OR4D10: variants seen among roughly 807,000 people sequenced by gnomAD.
OR4D10 encodes olfactory receptor family 4 subfamily D member 10.
For synonymous variants in OR4D10, 188 were observed against 153.2 expected (o/e 1.23, Z -1.68); for missense variants, 395 against 378.0 (o/e 1.04, Z -0.37).
chr11:59,474,139 T>A (rs935549185), intron 2 of OR4D10, among the ~76,000 whole-genome samples: 3 of 152,226 alleles, frequency 2.0e-5, no homozygotes, highest in Admixed American at 6.5e-5. Flanking sequence ...ATATTCCATA[T>A]GAAAGACAAG....
In OR4D10 at chr11:59,477,414, TAA is replaced by T. The variant is rs1406989330; in HGVS notation, c.-14_-13del. On this transcript the variant is annotated 5_prime_UTR_variant, in exon 3 of 3. An upstream open reading frame in the 5' UTR gains an earlier in-frame stop. Coordinates refer to ENST00000530162, the MANE Select transcript of OR4D10 (RefSeq NM_001004705.2). ...TGACATGGTTTAAAACCAAAGAGAA[TAA>T]AGAGGATGATTGAATGGAGATGGAA... 6.6e-7 allele frequency: 1 copy of T among 1,524,210 alleles called. No individual in the cohort carries two copies. The highest frequency in any genetic ancestry group is 8.8e-7 in the Non-Finnish European group (1 of 1,133,388). The allele number at this position is 1,524,210 out of a possible 1,614,324, so 94.4% of individuals were successfully genotyped here. A position where few individuals can be genotyped will look rare whatever the true frequency, so the allele number is the denominator to read the frequency against.
rs968584536 is a variant in OR4D10 at position 59,476,970 on chromosome 11, T to TA, written c.-168-282dup. Among the ~76,000 whole-genome samples the TA allele has an allele frequency of 6.4e-3, 948 of 147,620 alleles. 16 individuals carry two copies. Among genetic ancestry groups the TA allele is most frequent in the African/African-American group, 0.022 (888 of 40,356 alleles). ...CATAAACCAGGAGCAGCCACAACATTAAAAAAAAAACCTGGTACTTTCACT... is the reference window on the plus strand; with the variant it reads ...CATAAACCAGGAGCAGCCACAACATTAAAAAAAAAAACCTGGTACTTTCACT... On this transcript the variant is annotated intron_variant, in intron 2 of 2. Coordinates refer to ENST00000530162, the MANE Select transcript of OR4D10 (RefSeq NM_001004705.2).
Position 59,477,972 on chromosome 11 carries a change from C to T in OR4D10, c.543C>T (p.Val181=). Residue 181 remains valine, a synonymous_variant, in exon 3 of 3, where the codon GTC becomes GTT. Transcript: ENST00000530162. ...PNVLDTFYCD[V]HRVLKLAHTD... ...TTCTTGACACTTTCTACTGTGATGTCCACCGGGTCCTCAAACTGGCCCATA... is the reference window on the plus strand; with the variant it reads ...TTCTTGACACTTTCTACTGTGATGTTCACCGGGTCCTCAAACTGGCCCATA... 1.2e-6 allele frequency: 2 copies of T among 1,614,132 alleles called. No homozygotes were observed. Among genetic ancestry groups the T allele is most frequent in the African/African-American group, 2.7e-5 (2 of 75,008 alleles).
chr11:59,477,200 T>C, intron 2 of OR4D10, 62 bp from the exon 3 acceptor site: 1 of 410,422 alleles, frequency 2.4e-6, no homozygotes, highest in Non-Finnish European at 4.3e-6. Context: ...TTTCCCAAAG[T>C]AGTTCTATAG....
intron 2 of OR4D10, among the ~76,000 whole-genome samples, chr11:59,474,828 G>A (rs1052609543): frequency 4.0e-5 from 6 of 151,878 alleles, no homozygotes; most frequent in East Asian, 1.9e-4. Context: ...AGGCCGAGGC[G>A]GGCGGATCAC....
chr11:59,476,568 C>T (rs1858910867), intron 2 of OR4D10, among the ~76,000 whole-genome samples: 1 of 151,938 alleles, frequency 6.6e-6, no homozygotes, highest in Non-Finnish European at 1.5e-5. Context: ...TTTTTGTAGT[C>T]ATAGGGTCTC....
chr11:59,477,680 A>T lies in OR4D10; in HGVS notation c.251A>T (p.Asp84Val), dbSNP rs370996074. The change falls in exon 3 of 3, where the codon GAC (aspartate) becomes GTC (valine). Residue 84 changes from aspartate to valine, a missense_variant. Coordinates refer to ENST00000530162, the MANE Select transcript of OR4D10 (RefSeq NM_001004705.2). ...SSITVPKVLV[D>V]LLSERKTISF... Reference sequence around the variant, plus strand: ...ATCACAGTGCCCAAGGTTCTGGTGGACCTTCTGTCTGAAAGAAAGACCATC... The same window carrying T: ...ATCACAGTGCCCAAGGTTCTGGTGGTCCTTCTGTCTGAAAGAAAGACCATC... 8.1e-6 allele frequency: 13 copies of T among 1,613,936 alleles called. No individual in the cohort carries two copies. In the African/African-American group the frequency reaches 1.5e-4, roughly 18 times the overall value.
chr11:59,477,235 C>T (rs1273315710), intron 2 of OR4D10, 27 bp from the exon 3 acceptor site: 1 of 481,970 alleles, frequency 2.1e-6, no homozygotes, highest in African/African-American at 2.0e-5. Context: ...AATGACTTTA[C>T]ATATGATAAT....
rs767832720 is a variant in OR4D10 at position 59,477,478 on chromosome 11, C to T, written c.49C>T (p.Leu17=). 6.2e-6 allele frequency: 10 copies of T among 1,606,586 alleles called. No homozygotes were observed. The highest frequency in any genetic ancestry group is 8.5e-6 in the Non-Finnish European group (10 of 1,176,258). ...GGTAAAAGAATTTATTTTCCTTGGC[C>T]TGACCCAGAATCGGGAAGTGAGCTT... ...TRVKEFIFLG[L]TQNREVSLVL... is the part of the protein sequence containing the mutation. Residue 17 remains leucine (L), a synonymous_variant, in exon 3 of 3, where the codon CTG becomes TTG. Coordinates refer to ENST00000530162, the MANE Select transcript of OR4D10 (RefSeq NM_001004705.2).
rs935359261 is a variant in OR4D10, at chr11:59,473,598, T to A, written c.-267T>A. The A allele has an allele frequency of 6.6e-6, 1 of 152,236 alleles. No homozygotes were observed. The highest frequency in any genetic ancestry group is 1.5e-5 in the Non-Finnish European group (1 of 68,048). 9.4% of individuals were successfully genotyped at this position (152,236 alleles called of 1,614,324 possible). ...GTCTTCTGTTATGCACTATATCTAA[T>A]AGCATCAAATTTGTAGTTGGAGTTT... On this transcript the variant is annotated 5_prime_UTR_variant, in exon 1 of 3. Coordinates refer to ENST00000530162, the MANE Select transcript of OR4D10 (RefSeq NM_001004705.2).
In OR4D10 at chr11:59,478,413, T is replaced by C; in HGVS notation, c.*48T>C. ...ATCACCAAAGATATCTTATATTTAT[T>C]ATTTTTCCCATGAAGTCATATTCAT... On this transcript the variant is annotated 3_prime_UTR_variant, in exon 3 of 3. Transcript: ENST00000530162. 7.7e-7 allele frequency: 1 copy of C among 1,297,186 alleles called. No individual in the cohort carries two copies. Among genetic ancestry groups the C allele is most frequent in the South Asian group, 1.6e-5 (1 of 63,108 alleles). The allele number at this position is 1,297,186 out of a possible 1,614,324, so 80.4% of individuals were successfully genotyped here. A position where few individuals can be genotyped will look rare whatever the true frequency, so the allele number is the denominator to read the frequency against.
chr11:59,474,031 G>C (rs1221196331), intron 2 of OR4D10, among the ~76,000 whole-genome samples: 3 of 152,182 alleles, frequency 2.0e-5, no homozygotes, highest in Non-Finnish European at 4.4e-5. Flanking sequence ...AACCTGTAGT[G>C]ACTGAACTTG....
Position 59,478,406 on chromosome 11 carries a change from T to C in OR4D10, c.*41T>C, listed in dbSNP as rs1342353735. ...GCTCTTCATCACCAAAGATATCTTATATTTATTATTTTTCCCATGAAGTCA... is the reference window on the plus strand; with the variant it reads ...GCTCTTCATCACCAAAGATATCTTACATTTATTATTTTTCCCATGAAGTCA... On this transcript the variant is annotated 3_prime_UTR_variant, in exon 3 of 3. Transcript: ENST00000530162. 2.3e-6 allele frequency: 3 copies of C among 1,323,264 alleles called. No individual in the cohort carries two copies. Among genetic ancestry groups the C allele is most frequent in the Admixed American group, 2.6e-5 (1 of 37,826 alleles). 82.0% of individuals were successfully genotyped at this position (1,323,264 alleles called of 1,614,324 possible). A position where few individuals can be genotyped will look rare whatever the true frequency, so the allele number is the denominator to read the frequency against.
intron 2 of OR4D10, among the ~76,000 whole-genome samples, chr11:59,476,922 A>AT (rs113333639): frequency 0.18 from 27,798 of 151,866 alleles, 4,653 homozygotes; most frequent in African/African-American, 0.43. Flanking sequence ...GGGCAAAAAA[A>AT]AACTGATAAT....
chr11:59,477,401 A>T lies in OR4D10; in HGVS notation c.-29A>T. The T allele has an allele frequency of 6.7e-7, 1 of 1,491,478 alleles. No individual in the cohort carries two copies. Among genetic ancestry groups the T allele is most frequent in the Non-Finnish European group, 9.0e-7 (1 of 1,108,590 alleles). 92.4% of individuals were successfully genotyped at this position (1,491,478 alleles called of 1,614,324 possible). A position where few individuals can be genotyped will look rare whatever the true frequency, so the allele number is the denominator to read the frequency against. ...CAGTGCTTTCACATGACATGGTTTA[A>T]AACCAAAGAGAATAAAGAGGATGAT... is the stretch of plus-strand genomic sequence containing the variant. On this transcript the variant is annotated 5_prime_UTR_variant, in exon 3 of 3. The change abolishes the stop of an existing upstream ORF in the 5' untranslated region. Coordinates refer to ENST00000530162, the MANE Select transcript of OR4D10 (RefSeq NM_001004705.2).
intron 2 of OR4D10, among the ~76,000 whole-genome samples, chr11:59,476,689 T>C (rs1172189874): frequency 6.6e-6 from 1 of 152,186 alleles, no homozygotes; most frequent in Non-Finnish European, 1.5e-5. Context: ...AGAATCCATC[T>C]GACACAGGGC....
At position 59,477,953 on chromosome 11, in the gene OR4D10, A is replaced by G; in HGVS notation, c.524A>G (p.Asp175Gly). The G allele has an allele frequency of 6.2e-7, 1 of 1,614,096 alleles. No individual in the cohort carries two copies. Among genetic ancestry groups the G allele is most frequent in the East Asian group, 2.2e-5 (1 of 44,878 alleles). The stretch of plus-strand genomic sequence containing the variant: ...CCTTTCTGCGGACCCAATGTTCTTG[A>G]CACTTTCTACTGTGATGTCCACCGG... ...PLPFCGPNVL[D>G]TFYCDVHRVL... is the part of the protein sequence containing the mutation. Residue 175 changes from aspartate to glycine, a missense_variant, in exon 3 of 3, where the codon GAC becomes GGC. By Grantham distance (94) the Asp-to-Gly change is moderately conservative (BLOSUM62 -1). Transcript: ENST00000530162.
In OR4D10 at chr11:59,478,911, C is replaced by A. The variant is rs1212315608; in HGVS notation, c.*546C>A. ...GCACGCAGACATTATCATTACCTTT[C>A]TGCTCCTATTACAGTAAATGAAGGT... On this transcript the variant is annotated 3_prime_UTR_variant, in exon 3 of 3. Transcript: ENST00000530162. 3.3e-5 allele frequency: 5 copies of A among 152,456 alleles called. No individual in the cohort carries two copies. The highest frequency in any genetic ancestry group is 7.2e-5 in the African/African-American group (3 of 41,442). 9.4% of individuals were successfully genotyped at this position (152,456 alleles called of 1,614,324 possible).
At chr11:59,474,782 C>A (rs570776962) in intron 2 of OR4D10, among the ~76,000 whole-genome samples, 1 of 151,992 alleles carries the variant, frequency 6.6e-6, no homozygotes, top group Admixed American at 6.6e-5. Flanking sequence ...AGGGACCGGG[C>A]GCAGAGGCTC....
Sources: gnomAD v4.1 joint callset for allele counts (sites outside exome capture counted in the v4.1 genomes callset) on GRCh38, gnomAD v4.1.1 for gene constraint, MANE v1.5 for transcripts, NCBI Gene and HGNC (gene_info 2026-07-23, HGNC 2026-07-21) for gene names.